TACC2: variants seen among roughly 807,000 people sequenced by gnomAD.
TACC2 encodes transforming acidic coiled-coil-containing protein 2.
TACC2 carries 137 observed loss-of-function variants against 227.3 expected under a neutral mutation model. The observed-to-expected ratio is 0.60, with a 90% CI of 0.52 to 0.69. The LOEUF is 0.69. Ranked by LOEUF, TACC2 falls within the 30% of genes least tolerant of loss-of-function variation. The probability of loss-of-function intolerance (pLI) is 0.00; values close to 1 mark genes in which losing one functional copy is unlikely to be tolerated. For missense variants in TACC2, 3,470 were observed against 3,694.4 expected (o/e 0.94, Z 1.57); for synonymous variants, 1,523 against 1,487.5 (o/e 1.02, Z -0.55).
At chr10:122,121,569 G>T (rs2085804079) in intron 5 of TACC2, among the ~76,000 whole-genome samples, 1 of 152,162 alleles carries the variant, frequency 6.6e-6, no homozygotes, top group Non-Finnish European at 1.5e-5. Flanking sequence ...GGCATCACAG[G>T]AGTATCTAAA....
chr10:122,088,807 C>A (rs1276225129), intron 5 of TACC2: 2 of 1,456,502 alleles, frequency 1.4e-6, no homozygotes, highest in Non-Finnish European at 1.8e-6. Context: ...TGCTTTCATA[C>A]TTGAGTTTAT....
chr10:122,250,434 G>C (rs1252795381), intron 22 of TACC2, among the ~76,000 whole-genome samples: 1 of 152,184 alleles, frequency 6.6e-6, no homozygotes. Flanking sequence ...TGCATTTTGG[G>C]CCTTGATAGG....
intron 7 of TACC2, among the ~76,000 whole-genome samples, chr10:122,190,981 A>G (rs1375590243): frequency 6.6e-6 from 1 of 152,214 alleles, no homozygotes; most frequent in African/African-American, 2.4e-5. Context: ...AAGGGCACAG[A>G]TTTTAGAGAC....
At chr10:122,228,047 G>C in intron 14 of TACC2, 39 bp downstream of exon 14, 1 of 1,590,932 alleles carries the variant, frequency 6.3e-7, no homozygotes, top group South Asian at 1.1e-5. Flanking sequence ...CAGGGGATGA[G>C]GTGTGGGCCA....
At chr10:122,174,640 G>A (rs530692794) in intron 7 of TACC2, among the ~76,000 whole-genome samples, 3 of 152,228 alleles carry the variant, frequency 2.0e-5, no homozygotes, top group African/African-American at 7.2e-5. Flanking sequence ...TTGTAGAATG[G>A]CTAAATCAAG....
intron 7 of TACC2, among the ~76,000 whole-genome samples, chr10:122,164,915 T>G (rs1395601999): frequency 6.6e-6 from 1 of 152,046 alleles, no homozygotes; most frequent in East Asian, 1.9e-4. Context: ...ATGGTGGGGA[T>G]TGATCTGTGT....
intron 16 of TACC2, 131 bp downstream of exon 16, chr10:122,230,571 C>T: frequency 1.3e-6 from 1 of 763,724 alleles, no homozygotes; most frequent in Non-Finnish European, 2.2e-6. Flanking sequence ...TTCCAAAAAG[C>T]TGAAAGCGTC....
chr10:122,084,922 T>C lies in TACC2; in HGVS notation c.2422T>C (p.Cys808Arg), dbSNP rs138475310. The change falls in exon 4 of 23, where the codon TGC becomes CGC. Residue 808 changes from cysteine (C) to arginine (R), a missense_variant. Cys to Arg is a radical substitution (Grantham distance 180, BLOSUM62 -3). Transcript: ENST00000369005. ...LDQDQQGIPS[C>R]PGEGWIRGAA... is the part of the protein sequence containing the mutation. ...CCAAGATCAGCAGGGAATCCCATCC[T>C]GCCCAGGGGAAGGCTGGATAAGAGG... The C allele has an allele frequency of 7.7e-5, 124 of 1,614,048 alleles. 1 individual carries two copies. Among genetic ancestry groups the C allele is most frequent in the Non-Finnish European group, 9.7e-5 (114 of 1,180,042 alleles).
At chr10:122,029,133 C>A (rs1438178420) in intron 2 of TACC2, among the ~76,000 whole-genome samples, 1 of 150,338 alleles carries the variant, frequency 6.7e-6, no homozygotes, top group Non-Finnish European at 1.5e-5. Context: ...AGCATTCAGT[C>A]TTTCACTGTT....
At chr10:122,018,012 T>TG (rs1956905151) in intron 1 of TACC2, among the ~76,000 whole-genome samples, 1 of 141,430 alleles carries the variant, frequency 7.1e-6, no homozygotes, top group African/African-American at 2.6e-5. Context: ...TTATTTCTTC[T>TG]AAAAAAAAAA....
intron 12 of TACC2, 86 bp downstream of exon 12, chr10:122,224,873 C>A: frequency 9.1e-7 from 1 of 1,101,900 alleles, no homozygotes; most frequent in Non-Finnish European, 1.4e-6. Flanking sequence ...TCTCTGGGAG[C>A]TCAGACCCCA....
chr10:122,198,638 G>C (rs2094664504), intron 8 of TACC2, among the ~76,000 whole-genome samples: 2 of 152,192 alleles, frequency 1.3e-5, no homozygotes, highest in Admixed American at 6.5e-5. Flanking sequence ...GACACGCGGA[G>C]GTTACGAACC....
chr10:122,091,147 T>A (rs7101179), intron 5 of TACC2, among the ~76,000 whole-genome samples: 1 of 152,136 alleles, frequency 6.6e-6, no homozygotes, highest in South Asian at 2.1e-4. Context: ...TGCTGAGACT[T>A]TTGTACTCTC....
chr10:122,024,096 G>A (rs1354487733), intron 2 of TACC2, among the ~76,000 whole-genome samples: 1 of 152,142 alleles, frequency 6.6e-6, no homozygotes, highest in African/African-American at 2.4e-5. Flanking sequence ...GCCCAAGTAC[G>A]GCGGCTCATA....
At chr10:122,044,842 G>A (rs2136087096) in intron 2 of TACC2, among the ~76,000 whole-genome samples, 1 of 152,182 alleles carries the variant, frequency 6.6e-6, no homozygotes, top group Middle Eastern at 3.4e-3. Context: ...CTCAAGCAAT[G>A]GCAGCGAGGG....
intron 2 of TACC2, among the ~76,000 whole-genome samples, chr10:122,035,101 A>G (rs1959840250): frequency 6.6e-6 from 1 of 152,186 alleles, no homozygotes; most frequent in Non-Finnish European, 1.5e-5. Flanking sequence ...ATCCTAGTCC[A>G]GGCTCCTACG....
intron 18 of TACC2, among the ~76,000 whole-genome samples, chr10:122,241,322 C>T (rs188178263): frequency 6.6e-5 from 10 of 152,232 alleles, no homozygotes; most frequent in Admixed American, 1.3e-4. Flanking sequence ...GATGGAATCT[C>T]GCTCTGTTGC....
intron 11 of TACC2, 166 bp downstream of exon 11, chr10:122,216,994 A>T (rs1293891122): frequency 7.2e-7 from 1 of 1,394,692 alleles, no homozygotes; most frequent in East Asian, 2.5e-5. Flanking sequence ...CTGTGTTTGA[A>T]AACAGCCTGA....
intron 7 of TACC2, among the ~76,000 whole-genome samples, chr10:122,176,626 C>G (rs534382618): frequency 6.6e-6 from 1 of 152,110 alleles, no homozygotes; most frequent in Non-Finnish European, 1.5e-5. Context: ...GATAACCATG[C>G]AGATTCAAGC....
Sources: allele counts gnomAD v4.1 joint callset (sites outside exome capture counted in the v4.1 genomes callset), GRCh38; gene constraint gnomAD v4.1.1; transcripts MANE v1.5; gene names NCBI Gene and HGNC (gene_info 2026-07-23, HGNC 2026-07-21).